USP40: variants seen among roughly 807,000 people sequenced by gnomAD.
USP40 encodes ubiquitin specific peptidase 40, also known as ubiquitin carboxyl-terminal hydrolase 40.
USP40 carries 143 observed loss-of-function variants against 166.2 expected under a neutral mutation model. The ratio of observed to expected loss-of-function variants is 0.86; its 90% CI spans 0.75 to 0.99. The LOEUF (loss-of-function observed/expected upper bound fraction) is 0.99. USP40 is among the 50% of genes least tolerant of loss of function. The pLI, the probability that USP40 is intolerant of heterozygous loss-of-function variation, is 0.00. For missense variants in USP40, 1,444 were observed against 1,479.7 expected, an observed-to-expected ratio of 0.98 and a Z score of 0.40; for synonymous variants, 498 against 524.0, an observed-to-expected ratio of 0.95 and a Z score of 0.68.
intron 25 of USP40, among the ~76,000 whole-genome samples, chr2:233,491,800 C>G (rs1575227140): frequency 6.6e-6 from 1 of 152,138 alleles, no homozygotes; most frequent in East Asian, 1.9e-4. Context: ...AATAAGAAGG[C>G]CTTTCCAAGT....
rs1387472868 is a variant in USP40, at chr2:233,477,415, T to C, written c.3688A>G (p.Ile1230Val). 1.9e-6 allele frequency: 3 copies of C among 1,613,552 alleles called. No homozygotes were observed. The African/African-American group carries it at 4.0e-5, about 22-fold the overall frequency. The change falls in exon 32 of 32, where the codon ATC becomes GTC. Residue 1230 changes from isoleucine (I) to valine (V), a missense_variant. Coordinates refer to ENST00000678225, the MANE Select transcript of USP40 (RefSeq NM_001365479.2). ...GGTTATCTGAAGCTCCCCACGTGGA[T>C]GGAGAGAGAAGTTTCCGGGGCTCGG... ...RPRAPETSLS[I>V]HVGSFR
chr2:233,479,438 C>T lies in USP40; in HGVS notation c.3599+1765G>A, dbSNP rs750852801. On this transcript the variant is annotated intron_variant, in intron 31 of 31. Transcript: ENST00000678225. ...ATTAGCTGGGCATAGTGGTGCACGC[C>T]TGTAGTACCAGCTACTTGGGAGACT... Among the ~76,000 whole-genome samples the T allele has an allele frequency of 5.3e-5, 8 of 152,068 alleles. No homozygotes were observed. In the South Asian group the frequency reaches 6.2e-4, roughly 12 times the overall value.
At chr2:233,487,997 C>A in intron 28 of USP40, 1 of 669,448 alleles carries the variant, frequency 1.5e-6, no homozygotes, top group Non-Finnish European at 2.8e-6. Context: ...ATCATGGGGT[C>A]AATATGCACC....
At chr2:233,533,300 T>C (rs2068685099) in intron 11 of USP40, among the ~76,000 whole-genome samples, 179 bp downstream of exon 11, 3 of 152,322 alleles carry the variant, frequency 2.0e-5, no homozygotes, top group South Asian at 2.1e-4. Flanking sequence ...ATATAATCTT[T>C]ATAAAATGAC....
At chr2:233,494,958 A>ATATT (rs2065632507) in intron 24 of USP40, among the ~76,000 whole-genome samples, 9 of 51,274 alleles carry the variant, frequency 1.8e-4, no homozygotes, top group East Asian at 3.0e-4. Flanking sequence ...ATATATATTT[A>ATATT]TATATATATA....
intron 2 of USP40, among the ~76,000 whole-genome samples, chr2:233,564,063 T>A (rs1437762020): frequency 6.6e-6 from 1 of 152,186 alleles, no homozygotes; most frequent in Admixed American, 6.6e-5. Context: ...ACTGATTGCA[T>A]CAGGGAGATA....
intron 4 of USP40, 32 bp from the exon 5 acceptor site, chr2:233,557,051 C>A: frequency 9.6e-6 from 15 of 1,565,624 alleles, no homozygotes; most frequent in East Asian, 2.3e-5. Flanking sequence ...GATGTAATTC[C>A]GGGCTTCAGA....
intron 21 of USP40, among the ~76,000 whole-genome samples, chr2:233,502,724 C>A (rs1354519361): frequency 1.3e-5 from 2 of 151,992 alleles, no homozygotes. Flanking sequence ...TCACAAACAC[C>A]CGTAACCTAG....
At chr2:233,520,773 A>G (rs1479271251) in intron 17 of USP40, among the ~76,000 whole-genome samples, 1 of 152,192 alleles carries the variant, frequency 6.6e-6, no homozygotes, top group Non-Finnish European at 1.5e-5. Flanking sequence ...TTCTAATTCT[A>G]GGCTTTGGAG....
chr2:233,565,393 G>A lies in USP40; in HGVS notation c.162C>T (p.Ser54=). The stretch of plus-strand genomic sequence containing the variant: ...GTGTGAAATGAAGAGTCTGAAGAAG[G>A]GAATTGAGGTAACAGGTTCCACCCT... The part of the protein sequence containing the change: ...RNQGGTCYLN[S]LLQTLHFTPE... The change falls in exon 2 of 32, where the codon TCC becomes TCT. Residue 54 remains serine (S), a synonymous_variant. Transcript: ENST00000678225. 6.5e-7 allele frequency: 1 copy of A among 1,537,208 alleles called. No individual in the cohort carries two copies. Among genetic ancestry groups the A allele is most frequent in the Non-Finnish European group, 8.7e-7 (1 of 1,146,840 alleles).
Position 233,554,535 on chromosome 2 carries a change from G to C in USP40, c.547-9C>G. 1.3e-6 allele frequency: 2 copies of C among 1,596,300 alleles called. No homozygotes were observed. Among genetic ancestry groups the C allele is most frequent in the Non-Finnish European group, 1.7e-6 (2 of 1,173,640 alleles). On this transcript the variant is annotated splice_polypyrimidine_tract_variant and intron_variant, in intron 5 of 31. Coordinates refer to ENST00000678225, the MANE Select transcript of USP40 (RefSeq NM_001365479.2). Reference sequence around the variant, plus strand: ...AGATCTAAGAAGTCTTCCTGAAATAGACATGAATATAATATTGAAAAACAA... The same window carrying C: ...AGATCTAAGAAGTCTTCCTGAAATACACATGAATATAATATTGAAAAACAA...
rs571346225 is a variant in USP40, at chr2:233,480,665, T to C, written c.3599+538A>G. 1.1e-4 allele frequency among the ~76,000 whole-genome samples: 17 copies of C among 152,034 alleles called. No individual in the cohort carries two copies. Among genetic ancestry groups the C allele is most frequent in the Admixed American group, 4.6e-4 (7 of 15,280 alleles). On this transcript the variant is annotated intron_variant, in intron 31 of 31. Coordinates refer to ENST00000678225, the MANE Select transcript of USP40 (RefSeq NM_001365479.2). The surrounding 1 kb of genome is among the most constrained non-coding windows in gnomAD (Gnocchi z 4.5). Reference sequence around the variant, plus strand: ...AGAGGCAAGGAGTCCTGAGCAGAGGTAGAAGATGGCCTGTGGCAGCGGAGT... The same window carrying C: ...AGAGGCAAGGAGTCCTGAGCAGAGGCAGAAGATGGCCTGTGGCAGCGGAGT...
At chr2:233,512,451 T>G (rs1451111065) in intron 19 of USP40, 118 bp downstream of exon 19, 2 of 501,516 alleles carry the variant, frequency 4.0e-6, no homozygotes, top group African/African-American at 4.0e-5. Context: ...GAAGAAAATA[T>G]GTCCTATAAA....
intron 8 of USP40, among the ~76,000 whole-genome samples, chr2:233,548,563 A>G (rs2070220326): frequency 6.6e-6 from 1 of 152,150 alleles, no homozygotes. Context: ...ACCATGCTTG[A>G]CACTGGATTT....
intron 26 of USP40, chr2:233,489,866 G>T: frequency 6.0e-6 from 1 of 167,614 alleles, no homozygotes; most frequent in East Asian, 1.8e-4. Flanking sequence ...GCCTTCTTCC[G>T]TGCCCGCGCA....
chr2:233,477,462 C>T lies in USP40; in HGVS notation c.3641G>A (p.Ser1214Asn). 2.5e-6 allele frequency: 4 copies of T among 1,613,794 alleles called. No homozygotes were observed. The highest frequency in any genetic ancestry group is 1.7e-5 in the Admixed American group (1 of 60,026). ...TCGGGGCCGGGCAGGCGTCTCTGCA[C>T]TGGAGAGGATGTAGCTGCTCTGCTC... Reference protein sequence around the residue: ...LHEQSSYILSSAETPARPRAP... With the variant: ...LHEQSSYILSNAETPARPRAP... Residue 1214 changes from serine (S) to asparagine (N), a missense_variant, in exon 32 of 32, where the codon AGT (serine) becomes AAT (asparagine). Transcript: ENST00000678225.
Position 233,551,370 on chromosome 2 carries a change from T to G in USP40, c.837+6A>C, listed in dbSNP as rs535362491. The G allele has an allele frequency of 6.3e-7, 1 of 1,594,942 alleles. No individual in the cohort carries two copies. The highest frequency in any genetic ancestry group is 1.2e-5 in the South Asian group (1 of 86,104). ...AGAAAGAATTTAAAAATAAAATAGTTCAAACCTGTTCACAAAAGGGCTTGA... is the reference window on the plus strand; with the variant it reads ...AGAAAGAATTTAAAAATAAAATAGTGCAAACCTGTTCACAAAAGGGCTTGA... On this transcript the variant is annotated splice_donor_region_variant and intron_variant, in intron 7 of 31. Coordinates refer to ENST00000678225, the MANE Select transcript of USP40 (RefSeq NM_001365479.2).
intron 19 of USP40, chr2:233,512,065 T>A: frequency 3.2e-6 from 1 of 308,544 alleles, no homozygotes; most frequent in Non-Finnish European, 5.9e-6. Context: ...AAATGACTTG[T>A]TCAAAGAGCT....
intron 30 of USP40, among the ~76,000 whole-genome samples, chr2:233,484,485 T>A (rs934510055): frequency 4.6e-5 from 7 of 151,898 alleles, no homozygotes; most frequent in Non-Finnish European, 4.4e-5. Context: ...TTTTTTTTTT[T>A]TTCTTTTTTT....
Sources: allele counts gnomAD v4.1 joint callset (sites outside exome capture counted in the v4.1 genomes callset), GRCh38; gene constraint gnomAD v4.1.1; non-coding constraint Gnocchi (gnomAD v3.1); transcripts MANE v1.5; gene names NCBI Gene and HGNC (gene_info 2026-07-23, HGNC 2026-07-21).